C8orf34: variants seen among roughly 807,000 people sequenced by gnomAD.
The protein encoded by C8orf34 is uncharacterized protein C8orf34.
Under a neutral mutation model 68.3 loss-of-function variants are expected in C8orf34, and 65 were observed. The observed-to-expected ratio is 0.95, with a 90% CI of 0.78 to 1.17. C8orf34 has a LOEUF of 1.17. Among genes scored for constraint, C8orf34 ranks in the 50% most tolerant of loss-of-function variants. C8orf34 has a pLI of 0.00. For missense variants in C8orf34, 664 were observed against 655.4 expected (o/e 1.01, Z -0.14); for synonymous variants, 244 against 241.2 (o/e 1.01, Z -0.11).
intron 10 of C8orf34, among the ~76,000 whole-genome samples, chr8:68,751,675 A>T (rs1822713370): frequency 6.6e-6 from 1 of 152,138 alleles, no homozygotes. Flanking sequence ...TTGTTAGAAA[A>T]ACATGAAATT....
intron 8 of C8orf34, among the ~76,000 whole-genome samples, chr8:68,661,843 C>A (rs536624042): frequency 1.3e-5 from 2 of 152,084 alleles, no homozygotes; most frequent in South Asian, 4.2e-4. Context: ...CTGGCTAATT[C>A]CTTTCAATGT....
intron 5 of C8orf34, among the ~76,000 whole-genome samples, chr8:68,507,693 T>G (rs1326902862): frequency 6.6e-6 from 1 of 152,208 alleles, no homozygotes; most frequent in Non-Finnish European, 1.5e-5. Context: ...GCTTACTTAC[T>G]TACTGTAGAA....
chr8:68,636,338 G>A (rs762642598), intron 7 of C8orf34, among the ~76,000 whole-genome samples: 2 of 152,048 alleles, frequency 1.3e-5, no homozygotes, highest in African/African-American at 4.8e-5. Context: ...AACTTTGTGA[G>A]GGCAAGGTGG....
At chr8:68,419,158 G>A (rs535990735) in intron 1 of C8orf34, among the ~76,000 whole-genome samples, 129 of 152,184 alleles carry the variant, frequency 8.5e-4, no homozygotes, top group African/African-American at 2.9e-3. Context: ...CCATCAAGAA[G>A]TGGGCGAAGG....
rs138407295 is a variant in C8orf34 at position 68,760,963 on chromosome 8, C to T, written c.1405-15436C>T. On this transcript the variant is annotated intron_variant, in intron 10 of 13. Coordinates refer to ENST00000518698, the MANE Select transcript of C8orf34 (RefSeq NM_052958.4). ...CCTAGCTCTACCTTGGAATCTTTTT[C>T]GTCTCAGCTTCTACAGCTGTAAAAT... Among the ~76,000 whole-genome samples the T allele has an allele frequency of 2.0e-3, 301 of 152,260 alleles. 1 individual carries two copies. The highest frequency in any genetic ancestry group is 7.1e-3 in the African/African-American group (294 of 41,562).
intron 8 of C8orf34, among the ~76,000 whole-genome samples, chr8:68,664,302 A>G (rs1819773150): frequency 6.6e-6 from 1 of 152,194 alleles, no homozygotes; most frequent in South Asian, 2.1e-4. Context: ...TCCAGTAGTT[A>G]GCTTGGCCTA....
chr8:68,423,744 T>C (rs558999512), intron 1 of C8orf34, among the ~76,000 whole-genome samples: 1 of 152,194 alleles, frequency 6.6e-6, no homozygotes, highest in East Asian at 1.9e-4. Context: ...TACCCAAGAC[T>C]GGGTAATTTA....
intron 12 of C8orf34, among the ~76,000 whole-genome samples, chr8:68,797,233 G>A (rs1393406648): frequency 6.6e-6 from 1 of 152,170 alleles, no homozygotes; most frequent in Non-Finnish European, 1.5e-5. Context: ...GCTTAGGAGA[G>A]GCTAATCTAA....
At chr8:68,586,937 T>A (rs936251293) in intron 7 of C8orf34, among the ~76,000 whole-genome samples, 8 of 152,158 alleles carry the variant, frequency 5.3e-5, no homozygotes, top group African/African-American at 1.9e-4. Flanking sequence ...TTTCTATGGC[T>A]ACTTCCATGC....
At chr8:68,465,837 A>G (rs1251561425) in intron 3 of C8orf34, among the ~76,000 whole-genome samples, 1 of 151,888 alleles carries the variant, frequency 6.6e-6, no homozygotes, top group East Asian at 1.9e-4. Flanking sequence ...GCATTAGGAG[A>G]TATACCTAAT....
At chr8:68,381,471 G>A (rs1214784415) in intron 1 of C8orf34, among the ~76,000 whole-genome samples, 2 of 152,004 alleles carry the variant, frequency 1.3e-5, no homozygotes, top group African/African-American at 2.4e-5. Flanking sequence ...GGTGGCTCAC[G>A]CCTGTAATCC....
chr8:68,667,075 A>G (rs1474385033), intron 8 of C8orf34, among the ~76,000 whole-genome samples: 1 of 152,118 alleles, frequency 6.6e-6, no homozygotes, highest in Admixed American at 6.6e-5. Context: ...AATATGAAAA[A>G]CCTTCTACAG....
At chr8:68,390,856 G>T (rs1435853033) in intron 1 of C8orf34, among the ~76,000 whole-genome samples, 1 of 152,138 alleles carries the variant, frequency 6.6e-6, no homozygotes, top group African/African-American at 2.4e-5. Flanking sequence ...TGCAGGGCAG[G>T]TCGGCAACTG....
At chr8:68,559,833 G>T (rs546422227) in intron 7 of C8orf34, among the ~76,000 whole-genome samples, 137 of 152,250 alleles carry the variant, frequency 9.0e-4, no homozygotes, top group African/African-American at 3.2e-3. Context: ...GTGACTCCTA[G>T]GGACATGTGG....
intron 1 of C8orf34, among the ~76,000 whole-genome samples, chr8:68,406,018 T>G (rs1809176577): frequency 6.6e-6 from 1 of 152,140 alleles, no homozygotes; most frequent in Non-Finnish European, 1.5e-5. Context: ...AGGCACAGAT[T>G]AAGATTTTCA....
At chr8:68,426,098 G>A (rs550967524) in intron 1 of C8orf34, among the ~76,000 whole-genome samples, 2 of 152,146 alleles carry the variant, frequency 1.3e-5, no homozygotes, top group South Asian at 4.2e-4. Context: ...CAGGACCTAG[G>A]ACTTGCTGAA....
intron 8 of C8orf34, among the ~76,000 whole-genome samples, chr8:68,649,533 A>C (rs1455649630): frequency 6.6e-6 from 1 of 152,240 alleles, no homozygotes; most frequent in Non-Finnish European, 1.5e-5. Flanking sequence ...AAATATTGGT[A>C]TACTGCCCTC....
chr8:68,436,532 A>G (rs1810674761), intron 1 of C8orf34, among the ~76,000 whole-genome samples: 1 of 152,058 alleles, frequency 6.6e-6, no homozygotes, highest in African/African-American at 2.4e-5. Context: ...TTGTTGTTCT[A>G]TTAATTTATA....
At chr8:68,516,650 T>A (rs919812048) in intron 5 of C8orf34, among the ~76,000 whole-genome samples, 22 of 112,204 alleles carry the variant, frequency 2.0e-4, no homozygotes, top group East Asian at 8.2e-4. Context: ...TTATTTATTT[T>A]TTATTTATTT....
Sources: gnomAD v4.1 joint callset for allele counts (sites outside exome capture counted in the v4.1 genomes callset) on GRCh38, gnomAD v4.1.1 for gene constraint, MANE v1.5 for transcripts, NCBI Gene and HGNC (gene_info 2026-07-23, HGNC 2026-07-21) for gene names.